ARHGEF18: variants seen among roughly 807,000 people sequenced by gnomAD.
The protein encoded by ARHGEF18 is Rho/Rac guanine nucleotide exchange factor 18.
Under a neutral mutation model 155.7 loss-of-function variants are expected in ARHGEF18, and 93 were observed. That is an observed-to-expected ratio of 0.60 (90% confidence interval 0.50 to 0.71). The LOEUF (loss-of-function observed/expected upper bound fraction) is 0.71. ARHGEF18 is among the 30% of genes least tolerant of loss of function. ARHGEF18 has a pLI of 0.00. For synonymous variants in ARHGEF18, 742 were observed against 753.1 expected (o/e 0.99, Z 0.24); for missense variants, 1,593 against 1,816.1 (o/e 0.88, Z 2.23).
At chr19:7,448,843 A>G (rs1445009970) in intron 15 of ARHGEF18, among the ~76,000 whole-genome samples, 2 of 151,890 alleles carry the variant, frequency 1.3e-5, no homozygotes, top group Non-Finnish European at 2.9e-5. Context: ...CGTCCTAGAA[A>G]CCACACTTGG....
chr19:7,425,404 C>T (rs1973600327), intron 10 of ARHGEF18, among the ~76,000 whole-genome samples: 1 of 152,176 alleles, frequency 6.6e-6, no homozygotes, highest in Non-Finnish European at 1.5e-5. Flanking sequence ...TAAGAATGGG[C>T]CGGGCACAGT....
At chr19:7,453,325 G>A in intron 16 of ARHGEF18, 142 bp from the exon 17 acceptor site, 1 of 924,102 alleles carries the variant, frequency 1.1e-6, no homozygotes, top group Non-Finnish European at 1.5e-6. Context: ...TGGCCTTGGA[G>A]AACACACCTC....
Position 7,470,361 on chromosome 19 carries a change from G to A in ARHGEF18, c.*63G>A, listed in dbSNP as rs1976954359. On this transcript the variant is annotated 3_prime_UTR_variant, in exon 29 of 29. Coordinates refer to ENST00000668164, the MANE Select transcript of ARHGEF18 (RefSeq NM_001367823.1). This position sits in a 1 kb window ranked among gnomAD's most constrained non-coding sequence, Gnocchi z 5.9. ...CTGCCCACCCTTCCTGCTCTCTGGG[G>A]ACCCCCATGGGGTCACCATGCCCAC... The A allele has an allele frequency of 4.3e-6, 6 of 1,379,506 alleles. No individual in the cohort carries two copies. The highest frequency in any genetic ancestry group is 4.7e-6 in the Non-Finnish European group (5 of 1,060,890). The allele number at this position is 1,379,506 out of a possible 1,614,324, so 85.5% of individuals were successfully genotyped here. A position where few individuals can be genotyped will look rare whatever the true frequency, so the allele number is the denominator to read the frequency against.
intron 10 of ARHGEF18, among the ~76,000 whole-genome samples, chr19:7,386,915 C>T (rs1410617255): frequency 2.6e-5 from 4 of 152,078 alleles, no homozygotes; most frequent in African/African-American, 4.8e-5. Flanking sequence ...AAGACAGTTC[C>T]TGCCTTCCAG....
chr19:7,451,390 G>T lies in ARHGEF18; in HGVS notation c.1855+124G>T, dbSNP rs553753186. On this transcript the variant is annotated intron_variant, in intron 16 of 28. Coordinates refer to ENST00000668164, the MANE Select transcript of ARHGEF18 (RefSeq NM_001367823.1). ...CCCTTTGAAATCCAGTTTGCTGGGT[G>T]CTGGGGTTCCTTCCTTTTTTTTTTT... 5.6e-5 allele frequency: 40 copies of T among 713,616 alleles called. No homozygotes were observed. In the African/African-American group the frequency reaches 5.8e-4, roughly 10 times the overall value. 44.2% of individuals were successfully genotyped at this position (713,616 alleles called of 1,614,324 possible).
chr19:7,421,140 A>G (rs1051230223), intron 10 of ARHGEF18, among the ~76,000 whole-genome samples: 1 of 61,244 alleles, frequency 1.6e-5, no homozygotes, highest in East Asian at 6.7e-4. Context: ...TGTGTTGTCC[A>G]GGCTGGTCTC....
chr19:7,478,429 G>C, the ARHGEF18 span: 4 of 1,545,920 alleles, frequency 2.6e-6, no homozygotes, highest in Non-Finnish European at 3.5e-6. Flanking sequence ...AGGAGGGTTA[G>C]CTCCACAACG....
intron 10 of ARHGEF18, among the ~76,000 whole-genome samples, chr19:7,431,509 T>TCA (rs1568328004): frequency 5.3e-5 from 1 of 18,882 alleles, no homozygotes; most frequent in African/African-American, 3.0e-4. Flanking sequence ...AGACTCCATC[T>TCA]CAAAAAAAAA....
intron 10 of ARHGEF18, among the ~76,000 whole-genome samples, chr19:7,434,032 A>G (rs1031333281): frequency 2.6e-4 from 32 of 121,838 alleles, no homozygotes; most frequent in African/African-American, 8.8e-4. Flanking sequence ...AAAAAAAAAA[A>G]AAAAAGAAAA....
chr19:7,469,271 CT>C, intron 27 of ARHGEF18, 140 bp downstream of exon 27: 1 of 1,112,976 alleles, frequency 9.0e-7, no homozygotes, highest in Non-Finnish European at 1.2e-6. Flanking sequence ...GGCATCGTGG[CT>C]GAGGCCACCC....
chr19:7,427,556 G>A (rs1349256920), intron 10 of ARHGEF18, among the ~76,000 whole-genome samples: 1 of 151,466 alleles, frequency 6.6e-6, no homozygotes, highest in African/African-American at 2.4e-5. Flanking sequence ...GAGGTGGGAG[G>A]ATCACTGGAG....
chr19:7,391,156 T>C (rs901762459), intron 10 of ARHGEF18, among the ~76,000 whole-genome samples: 1 of 152,134 alleles, frequency 6.6e-6, no homozygotes, highest in Non-Finnish European at 1.5e-5. Flanking sequence ...AAAACACCCA[T>C]GTCTCATTCC....
chr19:7,385,870 T>TCCCC (rs1279086371), intron 10 of ARHGEF18, among the ~76,000 whole-genome samples: 1 of 29,548 alleles, frequency 3.4e-5, no homozygotes, highest in Non-Finnish European at 6.1e-5. Context: ...TCTCTCTCTC[T>TCCCC]CCCCCCTCCC....
At chr19:7,372,724 G>A in intron 2 of ARHGEF18, 88 bp from the exon 3 acceptor site, 2 of 1,198,370 alleles carry the variant, frequency 1.7e-6, no homozygotes, top group Non-Finnish European at 2.1e-6. Flanking sequence ...TGGATGTTGG[G>A]AGCAGGGACC....
At chr19:7,436,041 T>C (rs79653587) in intron 10 of ARHGEF18, among the ~76,000 whole-genome samples, 14,307 of 152,108 alleles carry the variant, frequency 0.094, 1,568 homozygotes, top group African/African-American at 0.26. Flanking sequence ...TCTCACTGTG[T>C]TGCCCAGACT....
At chr19:7,473,429 G>A (rs149364951), downstream of ARHGEF18, 449 of 390,078 alleles carry the variant, frequency 1.2e-3, 3 homozygotes, top group African/African-American at 8.1e-3. Flanking sequence ...TTGGGGAGGC[G>A]GGGGCTGAGG....
intron 1 of ARHGEF18, among the ~76,000 whole-genome samples, chr19:7,360,513 T>G (rs7252678): frequency 0.94 from 143,846 of 152,272 alleles, 67,995 homozygotes; most frequent in Middle Eastern, 0.99. Context: ...TGGGATTACA[T>G]GTGTGAGCCA....
chr19:7,478,443 G>A, the ARHGEF18 span: 1 of 1,502,968 alleles, frequency 6.7e-7, no homozygotes, highest in Non-Finnish European at 9.1e-7. Flanking sequence ...CACAACGCTG[G>A]CCCCGGACAT....
In ARHGEF18 at chr19:7,470,434, C is replaced by A; in HGVS notation, c.*136C>A. 1 of 867,844 alleles carries A rather than the reference C, an allele frequency of 1.2e-6. No individual in the cohort carries two copies. The highest frequency in any genetic ancestry group is 1.5e-6 in the Non-Finnish European group (1 of 649,980). The allele number at this position is 867,844 out of a possible 1,614,324, so 53.8% of individuals were successfully genotyped here. A position where few individuals can be genotyped will look rare whatever the true frequency, so the allele number is the denominator to read the frequency against. On this transcript the variant is annotated 3_prime_UTR_variant, in exon 29 of 29. Transcript: ENST00000668164. This position sits in a 1 kb window ranked among gnomAD's most constrained non-coding sequence, Gnocchi z 5.9. ...TAGCAAACCACTGATGACCGCCTGG[C>A]AGGGGCCAGCCTGTCGGTGCTCTGG... is the stretch of plus-strand genomic sequence containing the variant.
Sources: allele counts gnomAD v4.1 joint callset (sites outside exome capture counted in the v4.1 genomes callset), GRCh38; gene constraint gnomAD v4.1.1; non-coding constraint Gnocchi (gnomAD v3.1); transcripts MANE v1.5; gene names NCBI Gene and HGNC (gene_info 2026-07-23, HGNC 2026-07-21).